The following PECAM1 variants were observed in gnomAD, a reference collection of about 807,000 sequenced individuals.
PECAM1 encodes the protein platelet and endothelial cell adhesion molecule 1.
A neutral mutation model predicts 13.8 loss-of-function variants in PECAM1; 8 were observed. The observed-to-expected ratio is 0.58, with a 90% CI of 0.34 to 1.05. PECAM1 has a LOEUF of 1.05. Among genes scored for constraint, PECAM1 ranks in the 50% least tolerant of loss-of-function variants. The pLI, the probability that PECAM1 is intolerant of heterozygous loss-of-function variation, is 0.03. For synonymous variants in PECAM1, 136 were observed against 52.6 expected (o/e 2.58, Z -6.86); for missense variants, 304 against 141.2 (o/e 2.15, Z -5.84).
At chr17:64,337,643 A>G (rs2035313631) in intron 14 of PECAM1, among the ~76,000 whole-genome samples, 1 of 142,414 alleles carries the variant, frequency 7.0e-6, no homozygotes, top group African/African-American at 2.7e-5. Context: ...CACCGCCTCA[A>G]ATCCTACAAG....
At position 64,390,489 on chromosome 17, in the gene PECAM1, A is replaced by C. The variant is rs2036692284; in HGVS notation, c.91T>G (p.Ser31Ala). Residue 31 changes from serine (S) to alanine (A), a missense_variant and splice_region_variant, in exon 2 of 16, where the codon TCT becomes GCT. Ser to Ala is a moderately conservative substitution (Grantham distance 99, BLOSUM62 1). Transcript: ENST00000563924. ...LCSSLEGQEN[S>A]FTINSVDMKS... ...GTTACAGTGGAAACATCAGACTTAC[A>C]GTTTTCTTGACCCTCAAGGCTTGAA... 2.1e-6 allele frequency: 1 copy of C among 474,008 alleles called. No individual in the cohort carries two copies. Among genetic ancestry groups the C allele is most frequent in the Non-Finnish European group, 3.9e-6 (1 of 258,386 alleles). The allele number at this position is 474,008 out of a possible 1,614,324, so 29.4% of individuals were successfully genotyped here. A position where few individuals can be genotyped will look rare whatever the true frequency, so the allele number is the denominator to read the frequency against.
rs1162030699 is a variant in PECAM1 at position 64,320,176 on chromosome 17, A to G, written c.*3640T>C. The G allele has an allele frequency of 2.6e-5, 4 of 152,218 alleles. No individual in the cohort carries two copies. Among genetic ancestry groups the G allele is most frequent in the South Asian group, 4.1e-4 (2 of 4,830 alleles). 9.4% of individuals were successfully genotyped at this position (152,218 alleles called of 1,614,324 possible). ...GCAGAGGGTTTCTTCCCAACACGCC[A>G]ATGACGCTGGTGGAGAGTCTTAAAA... On this transcript the variant is annotated 3_prime_UTR_variant, in exon 16 of 16. Coordinates refer to ENST00000563924, the MANE Select transcript of PECAM1 (RefSeq NM_000442.5).
intron 7 of PECAM1, among the ~76,000 whole-genome samples, chr17:64,357,144 TCC>T (rs1407204547): frequency 1.3e-5 from 2 of 152,162 alleles, no homozygotes; most frequent in African/African-American, 4.8e-5. Flanking sequence ...CTGATTCTCT[TCC>T]CTTCTTACCT....
chr17:64,386,374 C>G (rs1268190300), intron 2 of PECAM1, among the ~76,000 whole-genome samples: 1 of 139,440 alleles, frequency 7.2e-6, no homozygotes, highest in Non-Finnish European at 1.5e-5. Context: ...CACTGCACTC[C>G]AGCCTGGGCA....
Position 64,348,296 on chromosome 17 carries a change from T to G in PECAM1, c.2071A>C (p.Thr691Pro), listed in dbSNP as rs1401222985. 4.2e-6 allele frequency: 2 copies of G among 475,240 alleles called. No individual in the cohort carries two copies. Among genetic ancestry groups the G allele is most frequent in the Non-Finnish European group, 7.7e-6 (2 of 259,060 alleles). The allele number at this position is 475,240 out of a possible 1,614,324, so 29.4% of individuals were successfully genotyped here. ...KEPLNSDVQYTEVQVSSAESH... is the reference protein window; with the variant it reads ...KEPLNSDVQYPEVQVSSAESH... ...TCAGCTGAGGACACTTGAACTTCCG[T>G]GTACTGCACGTCTGAGTTCAGAGGC... The change falls in exon 13 of 16, where the codon ACG becomes CCG. Residue 691 changes from threonine to proline, a missense_variant. Physicochemically the swap from Thr to Pro is conservative, Grantham distance 38 (BLOSUM62 -1). Transcript: ENST00000563924.
rs201780468 is a variant in PECAM1, at chr17:64,373,152, A to T, written c.691+1899T>A. ...ATAAATAAATAAATAAATAAAAAAA[A>T]AAGAAAATGCACAAAACATCTGATT... On this transcript the variant is annotated intron_variant, in intron 4 of 15. Transcript: ENST00000563924. Among the ~76,000 whole-genome samples, 75 of 120,126 alleles carry T rather than the reference A, an allele frequency of 6.2e-4. No homozygotes were observed. The South Asian group carries it at 7.9e-3, about 13-fold the overall frequency. 78.8% of individuals were successfully genotyped at this position (120,126 alleles called of 152,430 possible). A position where few individuals can be genotyped will look rare whatever the true frequency, so the allele number is the denominator to read the frequency against.
intron 13 of PECAM1, among the ~76,000 whole-genome samples, chr17:64,344,298 C>T (rs2035508839): frequency 6.6e-6 from 1 of 152,068 alleles, no homozygotes; most frequent in Non-Finnish European, 1.5e-5. Flanking sequence ...CTCTCCTCCC[C>T]ACCCACTCCA....
In PECAM1 at chr17:64,345,435, A is replaced by C. The variant is rs2035538928; in HGVS notation, c.2107+2825T>G. ...ACAATGAAATAAAGAGGAAGAGGCC[A>C]GGCCTGGTGGTTCACACCTGTAATC... On this transcript the variant is annotated intron_variant, in intron 13 of 15. Coordinates refer to ENST00000563924, the MANE Select transcript of PECAM1 (RefSeq NM_000442.5). Among the ~76,000 whole-genome samples the C allele has an allele frequency of 2.0e-5, 3 of 152,170 alleles. No homozygotes were observed. The South Asian group carries it at 6.2e-4, about 32-fold the overall frequency.
intron 14 of PECAM1, among the ~76,000 whole-genome samples, chr17:64,337,842 G>A (rs1043892656): frequency 2.0e-5 from 3 of 151,760 alleles, no homozygotes; most frequent in Non-Finnish European, 2.9e-5. Flanking sequence ...ATTGTTTTGA[G>A]CTGGTTCAGA....
In PECAM1 at chr17:64,377,617, A is replaced by AAAGGAAGGAAGGAAGGAAGGAAGGAAGG. The variant is rs386627305; in HGVS notation, c.385+206_385+207insCCTTCCTTCCTTCCTTCCTTCCTTCCTT. ...CAGAGTGAGACTCCATCAAAGAAAG[A>AAAGGAAGGAAGGAAGGAAGGAAGGAAGG]AAGGAAGGAAGGAAGGAAGGAAGGG... On this transcript the variant is annotated intron_variant, in intron 3 of 15. Coordinates refer to ENST00000563924, the MANE Select transcript of PECAM1 (RefSeq NM_000442.5). The AAAGGAAGGAAGGAAGGAAGGAAGGAAGG allele has an allele frequency of 7.8e-3, 1,978 of 252,194 alleles. 150 individuals carry two copies. The highest frequency in any genetic ancestry group is 0.033 in the African/African-American group (1,332 of 40,204). The allele number at this position is 252,194 out of a possible 1,614,324, so 15.6% of individuals were successfully genotyped here.
chr17:64,388,422 C>T (rs1208359506), intron 2 of PECAM1, among the ~76,000 whole-genome samples: 2 of 152,100 alleles, frequency 1.3e-5, no homozygotes, highest in East Asian at 1.9e-4. Flanking sequence ...CACCTCGAGG[C>T]GGGGGCCAAT....
intron 15 of PECAM1, among the ~76,000 whole-genome samples, chr17:64,328,586 C>A (rs2035020667): frequency 6.6e-6 from 1 of 152,176 alleles, no homozygotes; most frequent in African/African-American, 2.4e-5. Context: ...TTTCATTCCT[C>A]TTTTCCTTAA....
rs2036518908 is a variant in PECAM1 at position 64,383,112 on chromosome 17, A to G, written c.92-4995T>C. On this transcript the variant is annotated intron_variant, in intron 2 of 15. Coordinates refer to ENST00000563924, the MANE Select transcript of PECAM1 (RefSeq NM_000442.5). The stretch of plus-strand genomic sequence containing the variant: ...TTTAAAGCGACTTCTCCAGCCTCCC[A>G]GTTTTGCTCACTCCACTGCGTGCTC... 4.6e-5 allele frequency among the ~76,000 whole-genome samples: 7 copies of G among 152,278 alleles called. No individual in the cohort carries two copies. In the South Asian group the frequency reaches 1.4e-3, roughly 32 times the overall value.
At chr17:64,343,956 G>A (rs926624299) in intron 13 of PECAM1, among the ~76,000 whole-genome samples, 44 of 152,270 alleles carry the variant, frequency 2.9e-4, no homozygotes, top group Middle Eastern at 3.4e-3. Context: ...TGTGAACCCC[G>A]CACTGTGGAA....
At chr17:64,371,522 T>G (rs954341623) in intron 4 of PECAM1, among the ~76,000 whole-genome samples, 6 of 151,844 alleles carry the variant, frequency 4.0e-5, no homozygotes, top group Non-Finnish European at 8.8e-5. Context: ...AAACATATTA[T>G]AAAATATTTT....
At chr17:64,377,627 A>AGGACGGAAGGAC in intron 3 of PECAM1, 197 bp downstream of exon 3, 1 of 384,658 alleles carries the variant, frequency 2.6e-6, no homozygotes, top group Non-Finnish European at 4.6e-6. Flanking sequence ...AAAGGAAGGA[A>AGGACGGAAGGAC]GGAAGGAAGG....
At chr17:64,381,584 G>C in intron 2 of PECAM1, among the ~76,000 whole-genome samples, 1 of 152,194 alleles carries the variant, frequency 6.6e-6, no homozygotes. Context: ...TTTAAAACGA[G>C]TACTACAATT....
intron 2 of PECAM1, 58 bp from the exon 3 acceptor site, chr17:64,378,175 C>A: frequency 2.3e-6 from 1 of 439,152 alleles, no homozygotes. Context: ...AACATCATCC[C>A]GGTGACCTTC....
chr17:64,334,699 G>T (rs1264102839), intron 14 of PECAM1, among the ~76,000 whole-genome samples: 1 of 152,078 alleles, frequency 6.6e-6, no homozygotes. Flanking sequence ...AGTAGAGATG[G>T]GGTTTCACCG....
Sources: allele counts gnomAD v4.1 joint callset (sites outside exome capture counted in the v4.1 genomes callset), GRCh38; gene constraint gnomAD v4.1.1; transcripts MANE v1.5; gene names NCBI Gene and HGNC (gene_info 2026-07-23, HGNC 2026-07-21).